NOX1: variants seen among roughly 807,000 people sequenced by gnomAD.
The protein encoded by NOX1 is NADH/NADPH mitogenic oxidase subunit P65-MOX.
A neutral mutation model predicts 42.5 loss-of-function variants in NOX1; 34 were observed. The ratio of observed to expected loss-of-function variants is 0.80; its 90% CI spans 0.61 to 1.07. The LOEUF is 1.07. Among genes scored for constraint, NOX1 ranks in the 50% least tolerant of loss-of-function variants. NOX1 has a pLI of 0.00. For missense variants in NOX1, 408 were observed against 427.0 expected (o/e 0.96, Z 0.39); for synonymous variants, 143 against 152.5 (o/e 0.94, Z 0.46).
In NOX1 at chrX:100,850,351, C is replaced by T. The variant is rs1198443312; in HGVS notation, c.933G>A (p.Gln311=). The change falls in exon 9 of 13, where the codon CAG becomes CAA. Residue 311 remains glutamine (Q), a synonymous_variant. Transcript: ENST00000372966. Reference sequence around the variant, plus strand: ...CCATGCTGAAGCCACGCTTGTTCATCTGCAATTCCAAAACTTTGGATGGGT... The same window carrying T: ...CCATGCTGAAGCCACGCTTGTTCATTTGCAATTCCAAAACTTTGGATGGGT... The part of the protein sequence containing the change: ...VMHPSKVLEL[Q]MNKRGFSMEV... 4.8e-5 allele frequency: 58 copies of T among 1,198,409 alleles called. No homozygotes were observed. The highest frequency in any genetic ancestry group is 6.3e-5 in the Non-Finnish European group (56 of 888,773).
chrX:100,857,327 C>T (rs2085174044), intron 7 of NOX1, among the ~76,000 whole-genome samples: 1 of 111,828 alleles, frequency 8.9e-6, no homozygotes, highest in African/African-American at 3.3e-5. Flanking sequence ...TTGAATAGTG[C>T]TGCAATGAAC....
At chrX:100,853,262 CT>C (rs2085130186) in intron 7 of NOX1, among the ~76,000 whole-genome samples, 43 of 21,234 alleles carry the variant, frequency 2.0e-3, no homozygotes, top group South Asian at 6.4e-3. Context: ...TCCTTCCTTC[CT>C]TTCTTTCTTT....
intron 7 of NOX1, among the ~76,000 whole-genome samples, chrX:100,859,636 G>A (rs1163034555): frequency 9.1e-6 from 1 of 109,507 alleles, no homozygotes; most frequent in Non-Finnish European, 1.9e-5. Flanking sequence ...GTCTGCTCAG[G>A]GATTAAATTT....
intron 7 of NOX1, among the ~76,000 whole-genome samples, chrX:100,853,291 T>TC (rs1491365402): frequency 1.6e-3 from 121 of 74,609 alleles, no homozygotes; most frequent in African/African-American, 4.9e-3. Flanking sequence ...TCTTTCTTTC[T>TC]TTCTTTCTTT....
At chrX:100,872,742 C>G (rs2085283041) in intron 1 of NOX1, among the ~76,000 whole-genome samples, 1 of 110,008 alleles carries the variant, frequency 9.1e-6, no homozygotes, top group African/African-American at 3.3e-5. Flanking sequence ...TATTAATCCC[C>G]TGCTCCCCTC....
chrX:100,852,882 A>T (rs1464393893), intron 7 of NOX1, among the ~76,000 whole-genome samples: 1 of 112,777 alleles, frequency 8.9e-6, no homozygotes, highest in East Asian at 2.8e-4. Flanking sequence ...ATACCATTTT[A>T]GTCTCTCAAA....
rs764621575 is a variant in NOX1, at chrX:100,871,806, C to G, written c.46-992G>C. Among the ~76,000 whole-genome samples, 213 of 111,702 alleles carry G rather than the reference C, an allele frequency of 1.9e-3. 1 individual carries two copies. The highest frequency in any genetic ancestry group is 3.4e-3 in the Non-Finnish European group (180 of 53,168). On this transcript the variant is annotated intron_variant, in intron 1 of 12. Transcript: ENST00000372966. ...GCACAACAGGCAAAGGGCCTTTAGC[C>G]TAGGACATGGCCTATTCAGACTCCC...
intron 2 of NOX1, among the ~76,000 whole-genome samples, chrX:100,867,802 GAGAA>G (rs1239336230): frequency 1.2e-5 from 1 of 80,665 alleles, no homozygotes; most frequent in Non-Finnish European, 2.4e-5. Flanking sequence ...GAAAGAGAGA[GAGAA>G]AGAGAGAAGG....
intron 2 of NOX1, among the ~76,000 whole-genome samples, chrX:100,864,171 G>T (rs763882238): frequency 9.0e-6 from 1 of 111,199 alleles, no homozygotes; most frequent in South Asian, 3.9e-4. Context: ...TGTATTTTTG[G>T]TAGAGACAGG....
intron 12 of NOX1, among the ~76,000 whole-genome samples, chrX:100,848,193 A>G (rs2147902511): frequency 8.9e-6 from 1 of 111,986 alleles, no homozygotes; most frequent in East Asian, 2.8e-4. Context: ...TTCACCAAGA[A>G]TCTAAGAATG....
chrX:100,872,269 G>A (rs894321855), intron 1 of NOX1, among the ~76,000 whole-genome samples: 1 of 111,876 alleles, frequency 8.9e-6, no homozygotes, highest in South Asian at 3.8e-4. Flanking sequence ...GAGGAGAGAA[G>A]TTTATTTAGA....
At chrX:100,853,515 T>C (rs1171399972) in intron 7 of NOX1, among the ~76,000 whole-genome samples, 1 of 100,755 alleles carries the variant, frequency 9.9e-6, no homozygotes, top group African/African-American at 3.5e-5. Context: ...ACTCTCCTGC[T>C]TCAGCCTCCC....
chrX:100,857,580 G>A (rs1038987400), intron 7 of NOX1, among the ~76,000 whole-genome samples: 2 of 111,763 alleles, frequency 1.8e-5, no homozygotes, highest in East Asian at 5.6e-4. Context: ...TCTGACTGGC[G>A]TGAGATGGTG....
At chrX:100,856,154 G>A (rs753469345) in intron 7 of NOX1, 254 of 918,559 alleles carry the variant, frequency 2.8e-4, no homozygotes, top group Non-Finnish European at 3.6e-4. Context: ...CACCTTGTGT[G>A]GCCTTGCGTT....
chrX:100,866,488 C>CTGTGTGTGTG (rs36112590), intron 2 of NOX1, among the ~76,000 whole-genome samples: 4 of 96,702 alleles, frequency 4.1e-5, no homozygotes, highest in South Asian at 5.1e-4. Flanking sequence ...GTGTGTGTCC[C>CTGTGTGTGTG]TGTGTGTGTG....
intron 2 of NOX1, among the ~76,000 whole-genome samples, chrX:100,865,991 C>T (rs984372355): frequency 3.6e-5 from 4 of 111,907 alleles, no homozygotes; most frequent in Non-Finnish European, 5.6e-5. Flanking sequence ...GAGACCAAAG[C>T]GGGTGGATCA....
intron 7 of NOX1, among the ~76,000 whole-genome samples, chrX:100,858,617 T>C (rs1056253594): frequency 6.3e-5 from 7 of 111,388 alleles, no homozygotes; most frequent in African/African-American, 2.3e-4. Context: ...TGAGCAGTGT[T>C]TTGTAACTCT....
At chrX:100,849,189 A>G in intron 11 of NOX1, 91 bp downstream of exon 11, 1 of 986,926 alleles carries the variant, frequency 1.0e-6, no homozygotes. Context: ...GTAGGAAATC[A>G]TAAGAAATAA....
intron 2 of NOX1, among the ~76,000 whole-genome samples, chrX:100,868,285 C>A (rs1453293515): frequency 2.7e-5 from 3 of 111,821 alleles, no homozygotes; most frequent in Non-Finnish European, 3.8e-5. Flanking sequence ...GACAAGCTGT[C>A]TTTAAACATG....
Sources: gnomAD v4.1 joint callset for allele counts (sites outside exome capture counted in the v4.1 genomes callset) on GRCh38, gnomAD v4.1.1 for gene constraint, MANE v1.5 for transcripts, NCBI Gene and HGNC (gene_info 2026-07-23, HGNC 2026-07-21) for gene names.